The following ZNF699 variants were observed in gnomAD, a reference collection of about 807,000 sequenced individuals.
The protein encoded by ZNF699 is hangover homolog.
A neutral mutation model predicts 22.5 loss-of-function variants in ZNF699; 18 were observed. The ratio of observed to expected loss-of-function variants is 0.80; its 90% CI spans 0.55 to 1.19. The LOEUF is 1.19. ZNF699 is among the 50% of genes most tolerant of loss of function. The pLI is 0.00. For missense variants in ZNF699, 670 were observed against 763.4 expected, an observed-to-expected ratio of 0.88 and a Z score of 1.44; for synonymous variants, 241 against 262.3, an observed-to-expected ratio of 0.92 and a Z score of 0.78.
At chr19:9,304,629 A>C (rs949864903) in intron 2 of ZNF699, among the ~76,000 whole-genome samples, 5 of 152,222 alleles carry the variant, frequency 3.3e-5, no homozygotes, top group Non-Finnish European at 7.3e-5. Flanking sequence ...GAATTGCAAT[A>C]GAAACACTAC....
At position 9,299,376 on chromosome 19, in the gene ZNF699, C is replaced by T. The variant is rs570283652; in HGVS notation, c.176-1386G>A. The stretch of plus-strand genomic sequence containing the variant: ...GTCTCGATCTCCTGACCTCGTGATT[C>T]ACCCGCCTCGGCCTCCCAAAGTGCT... On this transcript the variant is annotated intron_variant, in intron 3 of 5. Coordinates refer to ENST00000591998, the MANE Select transcript of ZNF699 (RefSeq NM_198535.3). Among the ~76,000 whole-genome samples the T allele has an allele frequency of 9.8e-5, 15 of 152,294 alleles. No individual in the cohort carries two copies. In the South Asian group the frequency reaches 2.1e-3, roughly 21 times the overall value.
In ZNF699 at chr19:9,292,364, A is replaced by G. The variant is rs1038258134; in HGVS notation, c.*3111T>C. 3.3e-5 allele frequency among the ~76,000 whole-genome samples: 5 copies of G among 152,168 alleles called. No individual in the cohort carries two copies. Among genetic ancestry groups the G allele is most frequent in the African/African-American group, 1.2e-4 (5 of 41,440 alleles). ...AGCCAATCAGAGCCAACGAGATTCA[A>G]TTCTGATCATCATATTGGAACCACT... On this transcript the variant is annotated 3_prime_UTR_variant, in exon 6 of 6. Coordinates refer to ENST00000591998, the MANE Select transcript of ZNF699 (RefSeq NM_198535.3).
At position 9,296,406 on chromosome 19, in the gene ZNF699, T is replaced by C; in HGVS notation, c.998A>G (p.Lys333Arg). 2.5e-6 allele frequency: 4 copies of C among 1,613,818 alleles called. No individual in the cohort carries two copies. Among genetic ancestry groups the C allele is most frequent in the Non-Finnish European group, 3.4e-6 (4 of 1,179,890 alleles). ...CCCACATTCCTTACATTCATATGGC[T>C]TATCTCCACTGTGAATTCTTTTGTG... is the stretch of plus-strand genomic sequence containing the variant. Reference protein sequence around the residue: ...SKHKRIHSGDKPYECKECGKA... With the variant: ...SKHKRIHSGDRPYECKECGKA... Residue 333 changes from lysine to arginine, a missense_variant, in exon 6 of 6, where the codon AAG (lysine) becomes AGG (arginine). By Grantham distance (26) the Lys-to-Arg change is conservative (BLOSUM62 2). Coordinates refer to ENST00000591998, the MANE Select transcript of ZNF699 (RefSeq NM_198535.3).
In ZNF699 at chr19:9,296,318, A is replaced by G; in HGVS notation, c.1086T>C (p.Pro362=). Residue 362 remains proline (P), a synonymous_variant, in exon 6 of 6, where the codon CCT becomes CCC. Coordinates refer to ENST00000591998, the MANE Select transcript of ZNF699 (RefSeq NM_198535.3). The part of the protein sequence containing the change: ...IHIRIHTGEK[P]YECKECGKAF... ...CCTTCCCACACTCTTTACATTCATA[A>G]GGCTTCTCTCCAGTGTGAATTCTTA... is the stretch of plus-strand genomic sequence containing the variant. 6.2e-7 allele frequency: 1 copy of G among 1,610,250 alleles called. No homozygotes were observed. Among genetic ancestry groups the G allele is most frequent in the Non-Finnish European group, 8.5e-7 (1 of 1,178,694 alleles).
At chr19:9,299,138 T>C (rs2066297801) in intron 3 of ZNF699, among the ~76,000 whole-genome samples, 1 of 152,230 alleles carries the variant, frequency 6.6e-6, no homozygotes, top group Admixed American at 6.5e-5. Context: ...ATTTTAAATT[T>C]TTTTTCTTTT....
intron 1 of ZNF699, among the ~76,000 whole-genome samples, chr19:9,309,125 CTTTTA>C (rs1023151172): frequency 2.1e-5 from 3 of 145,430 alleles, no homozygotes; most frequent in African/African-American, 7.6e-5. Context: ...AGGAGAGCAC[CTTTTA>C]TTTTACTTTT....
In ZNF699 at chr19:9,309,671, A is replaced by G. The variant is rs2066340302; in HGVS notation, c.-327T>C. On this transcript the variant is annotated 5_prime_UTR_variant, in exon 1 of 6. Coordinates refer to ENST00000591998, the MANE Select transcript of ZNF699 (RefSeq NM_198535.3). ...TCCGGACAAGGAGTGGCGGGGAGGC[A>G]GCCCTTAGACCGCCGATTCCCAAAC... 1 of 152,162 alleles carries G rather than the reference A, an allele frequency of 6.6e-6. No homozygotes were observed. Among genetic ancestry groups the G allele is most frequent in the African/African-American group, 2.4e-5 (1 of 41,416 alleles). 9.4% of individuals were successfully genotyped at this position (152,162 alleles called of 1,614,324 possible).
At position 9,296,471 on chromosome 19, in the gene ZNF699, T is replaced by A. The variant is rs763766736; in HGVS notation, c.933A>T (p.Glu311Asp). Residue 311 changes from glutamate (E) to aspartate (D), a missense_variant, in exon 6 of 6, where the codon GAA becomes GAT. Glu to Asp is a conservative substitution (Grantham distance 45). Coordinates refer to ENST00000591998, the MANE Select transcript of ZNF699 (RefSeq NM_198535.3). ...AGGAACAACTGAAGGCCTTCCCACA[T>A]TCCTTACATTCATAAGGCTTATCTC... is the stretch of plus-strand genomic sequence containing the variant. ...HSGDKPYECK[E>D]CGKAFSCSSS... The A allele has an allele frequency of 2.5e-6, 4 of 1,614,160 alleles. No individual in the cohort carries two copies. In the Admixed American group the frequency reaches 6.7e-5, roughly 27 times the overall value.
chr19:9,297,259 C>T lies in ZNF699; in HGVS notation c.470+37G>A, dbSNP rs538655190. 150 of 1,545,366 alleles carry T rather than the reference C, an allele frequency of 9.7e-5. No homozygotes were observed. In the South Asian group the frequency reaches 1.8e-3, roughly 19 times the overall value. On this transcript the variant is annotated intron_variant, in intron 5 of 5. Coordinates refer to ENST00000591998, the MANE Select transcript of ZNF699 (RefSeq NM_198535.3). This position sits in a 1 kb window ranked among gnomAD's most constrained non-coding sequence, Gnocchi z 4.3. ...CATGACTTTAATTTTAAGATTCTCT[C>T]CTGAGGCACTTTCTCTTTCTCACGA... is the stretch of plus-strand genomic sequence containing the variant.
intron 1 of ZNF699, among the ~76,000 whole-genome samples, 164 bp from the exon 2 acceptor site, chr19:9,305,288 T>C (rs113933438): frequency 0.045 from 6,788 of 150,218 alleles, 438 homozygotes; most frequent in African/African-American, 0.15. Flanking sequence ...CACACACACA[T>C]GCACACACCC....
In ZNF699 at chr19:9,296,592, T is replaced by G. The variant is rs1490824796; in HGVS notation, c.812A>C (p.Lys271Thr). The G allele has an allele frequency of 6.2e-7, 1 of 1,614,080 alleles. No homozygotes were observed. The highest frequency in any genetic ancestry group is 1.7e-5 in the Admixed American group (1 of 60,004). Residue 271 changes from lysine to threonine, a missense_variant, in exon 6 of 6, where the codon AAG becomes ACG. By Grantham distance (78) the Lys-to-Thr change is moderately conservative (BLOSUM62 -1). Transcript: ENST00000591998. The stretch of plus-strand genomic sequence containing the variant: ...ATAGTTTGTCTTTCCGATGTGAATC[T>G]TCATATGTGCCCTAAAGAATGAGGA... ...SCSSFFRAHM[K>T]IHIGKTNYEC...
At chr19:9,303,430 T>G (rs1329253338) in intron 2 of ZNF699, among the ~76,000 whole-genome samples, 1 of 152,190 alleles carries the variant, frequency 6.6e-6, no homozygotes, top group Non-Finnish European at 1.5e-5. Context: ...TGTTTACTGG[T>G]TTATCACCAA....
At position 9,302,502 on chromosome 19, in the gene ZNF699, G is replaced by C. The variant is rs201385633; in HGVS notation, c.51C>G (p.Asp17Glu). ...CAGCCACATCCTCAAAGACTACTGAGTCCTAAAACATACCACAAATTCTGT... is the reference window on the plus strand; with the variant it reads ...CAGCCACATCCTCAAAGACTACTGACTCCTAAAACATACCACAAATTCTGT... ...TAELQKNRIQ[D>E]SVVFEDVAVD... Residue 17 changes from aspartate (D) to glutamate (E), a missense_variant and splice_region_variant, in exon 3 of 6, where the codon GAC becomes GAG. Coordinates refer to ENST00000591998, the MANE Select transcript of ZNF699 (RefSeq NM_198535.3). 89 of 1,606,056 alleles carry C rather than the reference G, an allele frequency of 5.5e-5. No individual in the cohort carries two copies. The highest frequency in any genetic ancestry group is 6.5e-5 in the Non-Finnish European group (77 of 1,176,364).
chr19:9,294,673 A>G lies in ZNF699; in HGVS notation c.*802T>C, dbSNP rs2066278208. 1 of 152,230 alleles carries G rather than the reference A, an allele frequency of 6.6e-6. No homozygotes were observed. Among genetic ancestry groups the G allele is most frequent in the Non-Finnish European group, 1.5e-5 (1 of 68,042 alleles). The allele number at this position is 152,230 out of a possible 1,614,324, so 9.4% of individuals were successfully genotyped here. A position where few individuals can be genotyped will look rare whatever the true frequency, so the allele number is the denominator to read the frequency against. ...TGATTCTGGGAAATGTAGTTAATGT[A>G]ACACAATTTTTACACTCAAAACACT... On this transcript the variant is annotated 3_prime_UTR_variant, in exon 6 of 6. Coordinates refer to ENST00000591998, the MANE Select transcript of ZNF699 (RefSeq NM_198535.3).
intron 3 of ZNF699, among the ~76,000 whole-genome samples, chr19:9,301,732 A>G (rs186933464): frequency 6.6e-6 from 1 of 152,156 alleles, no homozygotes; most frequent in East Asian, 1.9e-4. Flanking sequence ...TCTTTGGGTA[A>G]AGGACACAGA....
At chr19:9,298,565 C>A (rs2066295831) in intron 3 of ZNF699, among the ~76,000 whole-genome samples, 1 of 152,030 alleles carries the variant, frequency 6.6e-6, no homozygotes, top group Non-Finnish European at 1.5e-5. Context: ...ACAACTGGGA[C>A]ATTTTGTTCT....
intron 3 of ZNF699, among the ~76,000 whole-genome samples, chr19:9,298,697 C>T (rs1005441667): frequency 6.6e-6 from 1 of 152,164 alleles, no homozygotes. Context: ...ATGCCACCCA[C>T]AACATACTCA....
chr19:9,296,736 T>C lies in ZNF699; in HGVS notation c.668A>G (p.Tyr223Cys). The change falls in exon 6 of 6, where the codon TAT becomes TGT. Residue 223 changes from tyrosine to cysteine, a missense_variant. Coordinates refer to ENST00000591998, the MANE Select transcript of ZNF699 (RefSeq NM_198535.3). ...GGCCTTCCCACATTCCTTGCACTGA[T>C]AGGGTTTGCTTCCAGTATGAGACCT... ...HIRSHTGSKP[Y>C]QCKECGKAFH... 2 of 1,614,156 alleles carry C rather than the reference T, an allele frequency of 1.2e-6. No homozygotes were observed. The highest frequency in any genetic ancestry group is 1.7e-6 in the Non-Finnish European group (2 of 1,180,034).
At chr19:9,307,652 A>G (rs2066332189) in intron 1 of ZNF699, among the ~76,000 whole-genome samples, 1 of 151,052 alleles carries the variant, frequency 6.6e-6, no homozygotes, top group African/African-American at 2.5e-5. Flanking sequence ...TCCTAGAGGA[A>G]AAAAAATCAG....
Sources: allele counts gnomAD v4.1 joint callset (sites outside exome capture counted in the v4.1 genomes callset), GRCh38; gene constraint gnomAD v4.1.1; non-coding constraint Gnocchi (gnomAD v3.1); transcripts MANE v1.5; gene names NCBI Gene and HGNC (gene_info 2026-07-23, HGNC 2026-07-21).